Variants in GALNT17 observed in about 807,000 individuals in gnomAD.
The protein encoded by GALNT17 is polypeptide N-acetylgalactosaminyltransferase 17.
GALNT17 carries 29 observed loss-of-function variants against 63.7 expected under a neutral mutation model. That is an observed-to-expected ratio of 0.46 (90% confidence interval 0.34 to 0.62). The LOEUF (loss-of-function observed/expected upper bound fraction) is 0.62. Ranked by LOEUF, GALNT17 falls within the 20% of genes least tolerant of loss-of-function variation. The probability of loss-of-function intolerance (pLI) is 0.01; values close to 1 mark genes in which losing one functional copy is unlikely to be tolerated. For missense variants in GALNT17, 603 were observed against 799.6 expected (o/e 0.75, Z 2.97); for synonymous variants, 305 against 318.3 (o/e 0.96, Z 0.45).
chr7:71,349,866 T>C (rs532346440), intron 2 of GALNT17, among the ~76,000 whole-genome samples: 1 of 152,344 alleles, frequency 6.6e-6, no homozygotes, highest in East Asian at 1.9e-4. Flanking sequence ...TTCATAAACA[T>C]GATCTTGAAG....
At chr7:71,588,365 C>A (rs955050503) in intron 6 of GALNT17, among the ~76,000 whole-genome samples, 1 of 152,032 alleles carries the variant, frequency 6.6e-6, no homozygotes, top group South Asian at 2.1e-4. Context: ...TTTAATATTT[C>A]TTTATGGTTT....
intron 5 of GALNT17, among the ~76,000 whole-genome samples, chr7:71,528,352 C>T (rs943390656): frequency 2.0e-5 from 3 of 151,074 alleles, no homozygotes; most frequent in African/African-American, 7.2e-5. Context: ...ATAATTACAT[C>T]AGCAACAGCA....
rs371372359 is a variant in GALNT17, at chr7:71,572,504, T to TAAAAAAAA, written c.1080+1121_1080+1128dup. On this transcript the variant is annotated intron_variant, in intron 6 of 10. Coordinates refer to ENST00000333538, the MANE Select transcript of GALNT17 (RefSeq NM_022479.3). Reference sequence around the variant, plus strand: ...GCAACAGAGCAAGACCCTGTCTCATTAAAAAAAAAAAAAAAAAAAAAAAAA... The same window carrying TAAAAAAAA: ...GCAACAGAGCAAGACCCTGTCTCATTAAAAAAAAAAAAAAAAAAAAAAAAAAAAAAAAA... Among the ~76,000 whole-genome samples, 48 of 44,486 alleles carry TAAAAAAAA rather than the reference T, an allele frequency of 1.1e-3. 1 individual carries two copies. Among genetic ancestry groups the TAAAAAAAA allele is most frequent in the African/African-American group, 4.7e-3 (45 of 9,594 alleles). The allele number at this position is 44,486 out of a possible 152,430, so 29.2% of individuals were successfully genotyped here.
At chr7:71,234,545 T>A (rs1180880125) in intron 1 of GALNT17, among the ~76,000 whole-genome samples, 2 of 152,116 alleles carry the variant, frequency 1.3e-5, no homozygotes, top group Admixed American at 6.6e-5. Context: ...ATTAGAGATG[T>A]GAGCCACCGC....
intron 2 of GALNT17, among the ~76,000 whole-genome samples, chr7:71,371,008 A>AATAAT (rs1407689256): frequency 2.0e-5 from 3 of 152,226 alleles, no homozygotes; most frequent in Non-Finnish European, 4.4e-5. Context: ...TTCAAGAATG[A>AATAAT]ATAATGTGAG....
intron 2 of GALNT17, among the ~76,000 whole-genome samples, chr7:71,342,795 CATTGTT>C (rs1792028057): frequency 6.6e-6 from 1 of 152,098 alleles, no homozygotes; most frequent in Non-Finnish European, 1.5e-5. Context: ...CTAACATAAT[CATTGTT>C]ATTTAGCAAC....
At chr7:71,639,646 A>G (rs1790576371) in intron 6 of GALNT17, among the ~76,000 whole-genome samples, 1 of 152,220 alleles carries the variant, frequency 6.6e-6, no homozygotes, top group Non-Finnish European at 1.5e-5. Flanking sequence ...ACCATAGCAC[A>G]CAACCGAAAG....
At chr7:71,548,438 G>A (rs1789022583) in intron 5 of GALNT17, among the ~76,000 whole-genome samples, 1 of 152,184 alleles carries the variant, frequency 6.6e-6, no homozygotes, top group Non-Finnish European at 1.5e-5. Flanking sequence ...TTTGTTGGGA[G>A]GAGGGAGGAA....
chr7:71,222,907 C>CA (rs1174317750), intron 1 of GALNT17, among the ~76,000 whole-genome samples: 1 of 152,062 alleles, frequency 6.6e-6, no homozygotes, highest in Non-Finnish European at 1.5e-5. Context: ...CCTTCCTCTA[C>CA]AAAAAACCCC....
chr7:71,197,234 C>CT (rs1324185963), intron 1 of GALNT17, among the ~76,000 whole-genome samples: 3 of 113,942 alleles, frequency 2.6e-5, no homozygotes, highest in Non-Finnish European at 4.9e-5. Context: ...GAGTGTCGCT[C>CT]TTTCGCCCAA....
chr7:71,702,513 G>T (rs919703084), intron 9 of GALNT17, among the ~76,000 whole-genome samples: 1 of 152,182 alleles, frequency 6.6e-6, no homozygotes, highest in African/African-American at 2.4e-5. Flanking sequence ...AAGACCCATC[G>T]CAAGGATCTT....
At chr7:71,407,330 G>T (rs1014464736) in intron 3 of GALNT17, among the ~76,000 whole-genome samples, 4 of 152,160 alleles carry the variant, frequency 2.6e-5, no homozygotes, top group Admixed American at 2.0e-4. Flanking sequence ...GGAGGGGCAG[G>T]CCAGCTGACC....
chr7:71,670,201 C>G, intron 8 of GALNT17, 92 bp downstream of exon 8: 2 of 1,559,242 alleles, frequency 1.3e-6, no homozygotes, highest in Non-Finnish European at 1.8e-6. Context: ...CTCATTCATT[C>G]ATTCAATGAG....
chr7:71,654,787 T>C (rs1283688027), intron 6 of GALNT17, among the ~76,000 whole-genome samples: 1 of 152,116 alleles, frequency 6.6e-6, no homozygotes, highest in African/African-American at 2.4e-5. Context: ...TATATTTTAT[T>C]TTATTGCATT....
intron 1 of GALNT17, among the ~76,000 whole-genome samples, chr7:71,210,228 C>G (rs1333519744): frequency 1.3e-5 from 2 of 152,328 alleles, no homozygotes; most frequent in East Asian, 3.9e-4. Context: ...ATGGGAAAGA[C>G]TGGCCCCCAT....
intron 5 of GALNT17, among the ~76,000 whole-genome samples, chr7:71,423,788 G>A (rs2116462738): frequency 6.6e-6 from 1 of 152,080 alleles, no homozygotes; most frequent in Admixed American, 6.5e-5. Context: ...CCGGGGTGGT[G>A]GTGTGCTCTT....
At position 71,305,681 on chromosome 7, in the gene GALNT17, C is replaced by T. The variant is rs115038016; in HGVS notation, c.239-29869C>T. Among the ~76,000 whole-genome samples, 1,248 of 152,214 alleles carry T rather than the reference C, an allele frequency of 8.2e-3. 16 individuals are homozygous for T. The highest frequency in any genetic ancestry group is 0.028 in the African/African-American group (1,161 of 41,512). ...TTGTCATCTCAGTCCAGTGCGGGGTCAGCAGTAAAGGACTTACTAGGTTGG... is the reference window on the plus strand; with the variant it reads ...TTGTCATCTCAGTCCAGTGCGGGGTTAGCAGTAAAGGACTTACTAGGTTGG... On this transcript the variant is annotated intron_variant, in intron 1 of 10. Transcript: ENST00000333538.
At chr7:71,520,846 G>A (rs982289789) in intron 5 of GALNT17, among the ~76,000 whole-genome samples, 1 of 152,162 alleles carries the variant, frequency 6.6e-6, no homozygotes, top group African/African-American at 2.4e-5. Context: ...GCACTATCAG[G>A]AGGAGAGACT....
intron 5 of GALNT17, among the ~76,000 whole-genome samples, chr7:71,527,997 C>T (rs1426798304): frequency 1.3e-5 from 2 of 152,144 alleles, no homozygotes; most frequent in East Asian, 3.9e-4. Flanking sequence ...TCAAGGCTGT[C>T]GTGTCAACCC....
Sources: allele counts gnomAD v4.1 joint callset (sites outside exome capture counted in the v4.1 genomes callset), GRCh38; gene constraint gnomAD v4.1.1; transcripts MANE v1.5; gene names NCBI Gene and HGNC (gene_info 2026-07-23, HGNC 2026-07-21).